TNS1: variants seen among roughly 807,000 people sequenced by gnomAD.
TNS1 encodes the protein tensin-1.
TNS1 carries 62 observed loss-of-function variants against 168.6 expected under a neutral mutation model. The observed-to-expected ratio is 0.37, with a 90% CI of 0.30 to 0.45. The LOEUF is 0.45. Ranked by LOEUF, TNS1 falls within the 20% of genes least tolerant of loss-of-function variation. The probability of loss-of-function intolerance (pLI) is 1.00; values close to 1 mark genes in which losing one functional copy is unlikely to be tolerated. For missense variants in TNS1, 2,240 were observed against 2,339.4 expected, an observed-to-expected ratio of 0.96 and a Z score of 0.88; for synonymous variants, 934 against 933.2, an observed-to-expected ratio of 1.00 and a Z score of -0.02.
intron 3 of TNS1, among the ~76,000 whole-genome samples, chr2:217,964,599 T>C (rs1957577804): frequency 6.6e-6 from 1 of 152,172 alleles, no homozygotes; most frequent in Non-Finnish European, 1.5e-5. Context: ...TGTGCTAGGA[T>C]ATAGGAGTTT....
At chr2:217,812,806 A>G (rs990691909) in intron 27 of TNS1, among the ~76,000 whole-genome samples, 1 of 152,182 alleles carries the variant, frequency 6.6e-6, no homozygotes, top group Non-Finnish European at 1.5e-5. Context: ...GTTCTCAGGT[A>G]AATGTAACTT....
rs547038346 is a variant in TNS1 at position 217,848,572 on chromosome 2, C to T, written c.1945G>A (p.Gly649Arg). Reference protein sequence around the residue: ...GSMGTLSSLDGVTNTSEGGYP... With the variant: ...GSMGTLSSLDRVTNTSEGGYP... ...CCCCCCTCACTGGTGTTGGTGACCC[C>T]GTCCAGAGAAGAGAGTGTGCCCATG... The change falls in exon 19 of 33, where the codon GGG (glycine) becomes AGG (arginine). Residue 649 changes from glycine (G) to arginine (R), a missense_variant. By Grantham distance (125) the Gly-to-Arg change is moderately radical (BLOSUM62 -2). This residue lies in a region of TNS1 where 2,131 missense variants were observed against 2,171.2 expected (regional missense o/e 0.98). Coordinates refer to ENST00000682258, the MANE Select transcript of TNS1 (RefSeq NM_001387777.1). The T allele has an allele frequency of 1.1e-5, 17 of 1,614,172 alleles. No individual in the cohort carries two copies. The highest frequency in any genetic ancestry group is 5.0e-5 in the Admixed American group (3 of 60,020).
Position 218,033,307 on chromosome 2 carries a change from T to C in TNS1, c.156+513A>G, listed in dbSNP as rs1164322323. ...CCCCACTGCCAGGTCAGCTCCCCAC[T>C]TGCTAGTCTCTGAGACTTACCCAGC... On this transcript the variant is annotated intron_variant, in intron 1 of 1. Transcript: ENST00000649572. The surrounding 1 kb of genome is among the most constrained non-coding windows in gnomAD (Gnocchi z 4.3). Among the ~76,000 whole-genome samples the C allele has an allele frequency of 6.6e-6, 1 of 151,894 alleles. No homozygotes were observed. Among genetic ancestry groups the C allele is most frequent in the African/African-American group, 2.4e-5 (1 of 41,384 alleles).
chr2:217,994,322 G>C (rs1353549002), intron 1 of TNS1, among the ~76,000 whole-genome samples: 1 of 152,032 alleles, frequency 6.6e-6, no homozygotes, highest in Non-Finnish European at 1.5e-5. Context: ...CCTGGTCAGT[G>C]TCAACTGCAG....
intron 31 of TNS1, 91 bp downstream of exon 31, chr2:217,808,512 C>T (rs1179879636): frequency 2.5e-5 from 30 of 1,214,536 alleles, no homozygotes; most frequent in Non-Finnish European, 3.6e-5. Flanking sequence ...CACATGCACA[C>T]ACACACACAC....
Position 217,892,861 on chromosome 2 carries a change from C to G in TNS1, c.782+87G>C, listed in dbSNP as rs1574976535. ...TCCCTCTGTGCGTATCCCCTCACTC[C>G]AGGGAGCAGAGAGGCTGTGGGTGGA... On this transcript the variant is annotated intron_variant, in intron 11 of 32. Coordinates refer to ENST00000682258, the MANE Select transcript of TNS1 (RefSeq NM_001387777.1). The G allele has an allele frequency of 3.4e-6, 5 of 1,459,176 alleles. No homozygotes were observed. In the Middle Eastern group the frequency reaches 8.5e-4, roughly 248 times the overall value. The allele number at this position is 1,459,176 out of a possible 1,614,324, so 90.4% of individuals were successfully genotyped here.
Position 217,818,237 on chromosome 2 carries a change from G to A in TNS1, c.4095C>T (p.Asn1365=). ...AGVYQVSGLH[N]KVATTPGSPS... Reference sequence around the variant, plus strand: ...GACTCCCCGGGGTGGTGGCCACTTTGTTGTGGAGGCCAGAAACCTGGTAGA... The same window carrying A: ...GACTCCCCGGGGTGGTGGCCACTTTATTGTGGAGGCCAGAAACCTGGTAGA... Residue 1365 remains asparagine, a synonymous_variant, in exon 24 of 33, where the codon AAC becomes AAT. Transcript: ENST00000682258. 6.2e-7 allele frequency: 1 copy of A among 1,613,940 alleles called. No individual in the cohort carries two copies. Among genetic ancestry groups the A allele is most frequent in the Non-Finnish European group, 8.5e-7 (1 of 1,179,926 alleles).
intron 23 of TNS1, among the ~76,000 whole-genome samples, chr2:217,819,885 A>G (rs1942541478): frequency 6.6e-6 from 1 of 152,174 alleles, no homozygotes. Context: ...CTGGAGCTGC[A>G]GGCTGGAAGG....
chr2:217,952,714 A>G (rs1318200723), intron 3 of TNS1, among the ~76,000 whole-genome samples: 2 of 152,096 alleles, frequency 1.3e-5, no homozygotes, highest in East Asian at 3.9e-4. Context: ...GGCTAAAACA[A>G]CATGAATGGG....
chr2:217,840,427 C>A (rs924542689), intron 19 of TNS1, among the ~76,000 whole-genome samples: 2 of 152,242 alleles, frequency 1.3e-5, no homozygotes, highest in African/African-American at 4.8e-5. Flanking sequence ...AACCACCGTG[C>A]AAAATACACA....
In TNS1 at chr2:218,032,896, C is replaced by A. The variant is rs187628685; in HGVS notation, c.156+924G>T. ...CAGACACTCGTCCCCATCCCTCTCCCTGCCACTGTCACACACCGGCACACA... is the reference window on the plus strand; with the variant it reads ...CAGACACTCGTCCCCATCCCTCTCCATGCCACTGTCACACACCGGCACACA... On this transcript the variant is annotated intron_variant, in intron 1 of 1. Transcript: ENST00000649572. This position sits in a 1 kb window ranked among gnomAD's most constrained non-coding sequence, Gnocchi z 4.0. 7.2e-5 allele frequency among the ~76,000 whole-genome samples: 11 copies of A among 152,248 alleles called. No individual in the cohort carries two copies. Among genetic ancestry groups the A allele is most frequent in the African/African-American group, 2.6e-4 (11 of 41,536 alleles).
rs1448376365 is a variant in TNS1 at position 217,847,845 on chromosome 2, T to C, written c.2672A>G (p.Tyr891Cys). The C allele has an allele frequency of 2.5e-6, 4 of 1,587,924 alleles. No homozygotes were observed. Among genetic ancestry groups the C allele is most frequent in the African/African-American group, 2.7e-5 (2 of 74,484 alleles). The part of the protein sequence containing the change: ...SHPLTQSRSG[Y>C]IPSGHSLGTP... ...TCCCAACGAATGCCCACTGGGGATATAGCCAGATCTGGACTGGGTCAGTGG... is the reference window on the plus strand; with the variant it reads ...TCCCAACGAATGCCCACTGGGGATACAGCCAGATCTGGACTGGGTCAGTGG... The change falls in exon 19 of 33, where the codon TAT becomes TGT. Residue 891 changes from tyrosine to cysteine, a missense_variant. Tyr to Cys is a radical substitution (Grantham distance 194). Around this residue, in one of 2 missense-constraint regions of TNS1, gnomAD observed 2,131 missense variants for 2,171.2 expected, o/e 0.98. Transcript: ENST00000682258.
chr2:217,870,029 A>G (rs1369573155), intron 18 of TNS1, among the ~76,000 whole-genome samples: 1 of 152,112 alleles, frequency 6.6e-6, no homozygotes, highest in Non-Finnish European at 1.5e-5. Flanking sequence ...GTCAGATTTG[A>G]TTGTTTCTCG....
chr2:218,031,134 G>GTA (rs1185020576), intron 1 of TNS1, among the ~76,000 whole-genome samples: 4 of 103,634 alleles, frequency 3.9e-5, no homozygotes, highest in African/African-American at 2.4e-4. Flanking sequence ...GTCTGTGTGT[G>GTA]TGTGTGTATG....
At chr2:217,808,410 G>C (rs569706237) in intron 31 of TNS1, among the ~76,000 whole-genome samples, 193 bp downstream of exon 31, 2 of 152,044 alleles carry the variant, frequency 1.3e-5, no homozygotes, top group Non-Finnish European at 2.9e-5. Context: ...TCCCTGGGAG[G>C]GTCTCCATAT....
intron 4 of TNS1, among the ~76,000 whole-genome samples, chr2:217,915,223 C>A (rs1007533739): frequency 1.2e-4 from 19 of 152,240 alleles, no homozygotes; most frequent in Non-Finnish European, 1.5e-5. Context: ...AAGCTGAGTG[C>A]TCCGCTCCCT....
At chr2:217,851,628 T>C (rs992215758) in intron 18 of TNS1, among the ~76,000 whole-genome samples, 1 of 152,076 alleles carries the variant, frequency 6.6e-6, no homozygotes, top group African/African-American at 2.4e-5. Context: ...GGCCCAGGGC[T>C]GGTCTGAACT....
At chr2:217,943,298 C>T (rs1957006636) in intron 3 of TNS1, among the ~76,000 whole-genome samples, 2 of 152,154 alleles carry the variant, frequency 1.3e-5, no homozygotes, top group African/African-American at 4.8e-5. Context: ...CCTTGCCAGG[C>T]CTGCCAGCCC....
chr2:217,981,843 G>A (rs1428568834), intron 2 of TNS1, among the ~76,000 whole-genome samples: 3 of 152,230 alleles, frequency 2.0e-5, no homozygotes, highest in African/African-American at 7.2e-5. Flanking sequence ...TCAATCTGCT[G>A]GCCTCTCACT....
Sources: allele counts gnomAD v4.1 joint callset (sites outside exome capture counted in the v4.1 genomes callset), GRCh38; gene constraint gnomAD v4.1.1; regional missense constraint gnomAD v4.1.1; non-coding constraint Gnocchi (gnomAD v3.1); transcripts MANE v1.5; gene names NCBI Gene and HGNC (gene_info 2026-07-23, HGNC 2026-07-21).